ABAT: variants seen among roughly 807,000 people sequenced by gnomAD.
The protein encoded by ABAT is 4-aminobutyrate aminotransferase.
A neutral mutation model predicts 64.6 loss-of-function variants in ABAT; 45 were observed. That is an observed-to-expected ratio of 0.70 (90% CI 0.55 to 0.89). The LOEUF is 0.89. Ranked by LOEUF, ABAT falls within the 40% of genes least tolerant of loss-of-function variation. The pLI, the probability that ABAT is intolerant of heterozygous loss-of-function variation, is 0.00. For missense variants in ABAT, 633 were observed against 658.4 expected, an observed-to-expected ratio of 0.96 and a Z score of 0.42; for synonymous variants, 297 against 250.5, an observed-to-expected ratio of 1.19 and a Z score of -1.75.
intron 1 of ABAT, among the ~76,000 whole-genome samples, chr16:8,724,839 T>G (rs975200468): frequency 9.5e-5 from 14 of 147,988 alleles, no homozygotes; most frequent in African/African-American, 3.0e-4. Flanking sequence ...GTGATCAGAG[T>G]GTGTCATTAC....
In ABAT at chr16:8,731,917, G is replaced by C. The variant is rs555517842; in HGVS notation, c.-41-3782G>C. ...CGCCCAGGCTGGAGTGCAGTGGTGC[G>C]ATCTCAGCTCACTGTAACCTCTGCC... On this transcript the variant is annotated intron_variant, in intron 1 of 15. Transcript: ENST00000268251. 2.0e-5 allele frequency among the ~76,000 whole-genome samples: 3 copies of C among 152,028 alleles called. No homozygotes were observed. In the East Asian group the frequency reaches 5.8e-4, roughly 29 times the overall value.
chr16:8,740,207 G>A (rs998542323), intron 2 of ABAT, among the ~76,000 whole-genome samples: 2 of 152,156 alleles, frequency 1.3e-5, no homozygotes, highest in Non-Finnish European at 2.9e-5. Context: ...CCGAGCCACT[G>A]TATTGATTAT....
intron 1 of ABAT, among the ~76,000 whole-genome samples, chr16:8,734,099 G>A (rs979038337): frequency 3.3e-5 from 5 of 152,126 alleles, no homozygotes; most frequent in African/African-American, 1.2e-4. Flanking sequence ...GTGAACATGG[G>A]TTAAAATACC....
At chr16:8,715,972 T>C (rs2058205664) in intron 1 of ABAT, among the ~76,000 whole-genome samples, 1 of 152,028 alleles carries the variant, frequency 6.6e-6, no homozygotes, top group African/African-American at 2.4e-5. Context: ...TGTGGCAAAA[T>C]GTTAACAGTT....
intron 3 of ABAT, among the ~76,000 whole-genome samples, chr16:8,747,545 A>G (rs1259640872): frequency 6.6e-6 from 1 of 152,128 alleles, no homozygotes; most frequent in African/African-American, 2.4e-5. Context: ...CTGTATTTTT[A>G]TTGGAAATAT....
chr16:8,750,293 C>T (rs1054284160), intron 4 of ABAT, 129 bp from the exon 5 acceptor site: 2 of 837,568 alleles, frequency 2.4e-6, no homozygotes, highest in Admixed American at 3.7e-5. Flanking sequence ...ATTGCTGGCA[C>T]CCACAGATGC....
chr16:8,719,791 A>G lies in ABAT; in HGVS notation c.-41-15908A>G, dbSNP rs537774537. Among the ~76,000 whole-genome samples, 9 of 152,312 alleles carry G rather than the reference A, an allele frequency of 5.9e-5. No individual in the cohort carries two copies. The East Asian group carries it at 1.7e-3, about 29-fold the overall frequency. On this transcript the variant is annotated intron_variant, in intron 1 of 15. Transcript: ENST00000268251. ...GAGGAGAAGGAGAAGGAAAAAAAGA[A>G]GTTGTTCACAATTTTTGTTTACTCG...
rs139095023 is a variant in ABAT at position 8,699,843 on chromosome 16, T to C, written c.-42+25132T>C. Among the ~76,000 whole-genome samples, 281 of 152,092 alleles carry C rather than the reference T, an allele frequency of 1.8e-3. 1 individual carries two copies. The highest frequency in any genetic ancestry group is 6.4e-3 in the African/African-American group (265 of 41,494). On this transcript the variant is annotated intron_variant, in intron 1 of 15. Coordinates refer to ENST00000268251, the MANE Select transcript of ABAT (RefSeq NM_020686.6). ...CTTTCTCTTTCCCTCTTTCTTTCTTTTGAGACAGAACCCAGGCTGGAGTGC... is the reference window on the plus strand; with the variant it reads ...CTTTCTCTTTCCCTCTTTCTTTCTTCTGAGACAGAACCCAGGCTGGAGTGC...
chr16:8,755,842 G>A (rs2059634359), intron 5 of ABAT, among the ~76,000 whole-genome samples: 1 of 152,214 alleles, frequency 6.6e-6, no homozygotes, highest in Admixed American at 6.5e-5. Flanking sequence ...GAGGTCAGCA[G>A]ATTGAGACCA....
At chr16:8,768,746 G>C (rs1052836557) in intron 10 of ABAT, 79 bp from the exon 11 acceptor site, 12 of 1,599,932 alleles carry the variant, frequency 7.5e-6, no homozygotes, top group Non-Finnish European at 1.0e-5. Flanking sequence ...GCGCTGAAAT[G>C]TCTATCATCT....
chr16:8,774,996 C>A lies in ABAT; in HGVS notation c.1061C>A (p.Thr354Asn), dbSNP rs768769974. Residue 354 changes from threonine to asparagine, a missense_variant, in exon 13 of 16, where the codon ACC (threonine) becomes AAC (asparagine). Transcript: ENST00000268251. Reference protein sequence around the residue: ...WGLDDPADVMTFSKKMMTGGF... With the variant: ...WGLDDPADVMNFSKKMMTGGF... ...CTGGATGACCCAGCAGACGTGATGACCTTCAGCAAGAAGATGATGACTGGG... is the reference window on the plus strand; with the variant it reads ...CTGGATGACCCAGCAGACGTGATGAACTTCAGCAAGAAGATGATGACTGGG... 6.2e-7 allele frequency: 1 copy of A among 1,614,214 alleles called. No homozygotes were observed. Among genetic ancestry groups the A allele is most frequent in the Non-Finnish European group, 8.5e-7 (1 of 1,180,046 alleles).
chr16:8,704,947 A>G (rs1412649698), intron 1 of ABAT, among the ~76,000 whole-genome samples: 2 of 152,192 alleles, frequency 1.3e-5, no homozygotes, highest in African/African-American at 2.4e-5. Flanking sequence ...CGGCCTCCCA[A>G]AATGCTGGGA....
chr16:8,677,311 C>G (rs1028828971), intron 1 of ABAT, among the ~76,000 whole-genome samples: 7 of 152,220 alleles, frequency 4.6e-5, no homozygotes, highest in African/African-American at 1.7e-4. Flanking sequence ...CGTAGATAAT[C>G]TGCCAGGGCC....
intron 9 of ABAT, among the ~76,000 whole-genome samples, chr16:8,767,508 T>C (rs1193859679): frequency 2.0e-5 from 3 of 152,108 alleles, no homozygotes; most frequent in African/African-American, 4.8e-5. Flanking sequence ...TTGAAGAGCC[T>C]GTAGAAAAGG....
intron 2 of ABAT, among the ~76,000 whole-genome samples, chr16:8,740,404 T>C (rs1033113894): frequency 2.0e-5 from 3 of 152,168 alleles, no homozygotes; most frequent in South Asian, 2.1e-4. Context: ...AACTTGGCGG[T>C]TGGACGATCT....
At chr16:8,705,723 G>A (rs1413832142) in intron 1 of ABAT, among the ~76,000 whole-genome samples, 1 of 152,126 alleles carries the variant, frequency 6.6e-6, no homozygotes, top group Non-Finnish European at 1.5e-5. Context: ...CTAGGTTTTA[G>A]TTGTTTTTTT....
At chr16:8,745,595 G>C (rs1487016739) in intron 2 of ABAT, among the ~76,000 whole-genome samples, 1 of 152,138 alleles carries the variant, frequency 6.6e-6, no homozygotes, top group African/African-American at 2.4e-5. Flanking sequence ...TACTCAGGAG[G>C]CTGAGGCAGA....
Position 8,745,704 on chromosome 16 carries a change from A to T in ABAT, c.71-297A>T, listed in dbSNP as rs553746360. ...TAGAGCAAGACTCTGTCTCAAAAAA[A>T]AATGAATAAATAAATACAAAGAAAG... On this transcript the variant is annotated intron_variant, in intron 2 of 15. Transcript: ENST00000268251. Among the ~76,000 whole-genome samples, 27 of 152,286 alleles carry T rather than the reference A, an allele frequency of 1.8e-4. No homozygotes were observed. The South Asian group carries it at 3.7e-3, about 21-fold the overall frequency.
intron 2 of ABAT, among the ~76,000 whole-genome samples, chr16:8,743,067 G>T (rs2059211945): frequency 6.8e-6 from 1 of 146,636 alleles, no homozygotes. Context: ...CTCTTCTAAT[G>T]GAATACTTTT....
Sources: allele counts gnomAD v4.1 joint callset (sites outside exome capture counted in the v4.1 genomes callset), GRCh38; gene constraint gnomAD v4.1.1; transcripts MANE v1.5; gene names NCBI Gene and HGNC (gene_info 2026-07-23, HGNC 2026-07-21).